ANXA8: variants seen among roughly 807,000 people sequenced by gnomAD.
ANXA8 encodes VAC-beta.
Under a neutral mutation model 26.8 loss-of-function variants are expected in ANXA8, and 9 were observed. That is an observed-to-expected ratio of 0.34 (90% CI 0.20 to 0.59). The LOEUF (loss-of-function observed/expected upper bound fraction) is 0.59. Among genes scored for constraint, ANXA8 ranks in the 20% least tolerant of loss-of-function variants. The pLI, the probability that ANXA8 is intolerant of heterozygous loss-of-function variation, is 0.84. For missense variants in ANXA8, 83 were observed against 238.5 expected, an observed-to-expected ratio of 0.35 and a Z score of 4.29; for synonymous variants, 39 against 94.8, an observed-to-expected ratio of 0.41 and a Z score of 3.42.
At chr10:47,659,699 T>A in the ANXA8 span, among the ~76,000 whole-genome samples, 1 of 151,478 alleles carries the variant, frequency 6.6e-6, no homozygotes, top group African/African-American at 2.4e-5. Flanking sequence ...AAAAGAGTGT[T>A]TTAGCAAAAA....
chr10:47,608,131 A>G, the ANXA8 span, among the ~76,000 whole-genome samples: 1 of 141,906 alleles, frequency 7.0e-6, no homozygotes, highest in Non-Finnish European at 1.5e-5. Context: ...CTTTGTCCAA[A>G]CAATTTAAGT....
the ANXA8 span, among the ~76,000 whole-genome samples, chr10:47,763,769 T>C: frequency 9.4e-6 from 1 of 106,686 alleles, no homozygotes; most frequent in African/African-American, 3.5e-5. Flanking sequence ...TGTGTATCTG[T>C]GGTGCAGGGG....
chr10:47,952,158 G>A, the ANXA8 span, among the ~76,000 whole-genome samples: 1 of 151,164 alleles, frequency 6.6e-6, no homozygotes, highest in Non-Finnish European at 1.5e-5. Flanking sequence ...AAAACCTACA[G>A]GTATTATCAA....
the ANXA8 span, chr10:47,565,174 C>T: frequency 1.4e-6 from 1 of 708,306 alleles, no homozygotes; most frequent in Non-Finnish European, 2.6e-6. Flanking sequence ...TGCTGGCCGC[C>T]GTGCAGGGCG....
the ANXA8 span, chr10:47,510,164 T>TA: frequency 1.6e-6 from 2 of 1,249,892 alleles, 1 homozygote; most frequent in Admixed American, 4.7e-5. Context: ...AGCATAGTTG[T>TA]ACTCACGATA....
At chr10:47,726,726 G>C in the ANXA8 span, 1 of 695,190 alleles carries the variant, frequency 1.4e-6, no homozygotes, top group African/African-American at 1.8e-5. Context: ...GTTGTTTTAA[G>C]CATTAAAATT....
the ANXA8 span, among the ~76,000 whole-genome samples, chr10:47,960,415 C>G: frequency 2.7e-5 from 4 of 146,534 alleles, no homozygotes; most frequent in Non-Finnish European, 6.0e-5. Context: ...GTATCATGCA[C>G]AGCCTGCTTC....
At chr10:47,743,333 T>TATATATACAC in the ANXA8 span, among the ~76,000 whole-genome samples, 1 of 74,640 alleles carries the variant, frequency 1.3e-5, no homozygotes, top group Admixed American at 1.9e-4. Flanking sequence ...TATATACATA[T>TATATATACAC]ATATATACAT....
At chr10:47,626,568 C>T in the ANXA8 span, among the ~76,000 whole-genome samples, 19 of 149,852 alleles carry the variant, frequency 1.3e-4, no homozygotes, top group Non-Finnish European at 2.8e-4. Flanking sequence ...ATATACAGAA[C>T]TTCTTTAACC....
the ANXA8 span, among the ~76,000 whole-genome samples, chr10:47,677,046 G>A: frequency 1.4e-5 from 2 of 142,922 alleles, no homozygotes; most frequent in Admixed American, 7.0e-5. Flanking sequence ...AGCAGAAATA[G>A]CCTTCAAAAA....
the ANXA8 span, among the ~76,000 whole-genome samples, chr10:47,945,195 G>A: frequency 5.2e-4 from 78 of 149,996 alleles, 1 homozygote; most frequent in African/African-American, 1.7e-3. Context: ...GCCACATGGG[G>A]TTGCTGGACT....
At chr10:47,669,444 C>T in the ANXA8 span, among the ~76,000 whole-genome samples, 18 of 151,322 alleles carry the variant, frequency 1.2e-4, no homozygotes, top group Non-Finnish European at 2.2e-4. Flanking sequence ...GAGGGCCAGG[C>T]GTGGTGGCTC....
upstream of ANXA8, among the ~76,000 whole-genome samples, chr10:47,486,342 G>A (rs1406455517): frequency 6.9e-6 from 1 of 144,936 alleles, no homozygotes; most frequent in Non-Finnish European, 1.5e-5. Flanking sequence ...ACAAATGAGG[G>A]TCCTCCCTTA....
At chr10:47,646,910 C>T in the ANXA8 span, among the ~76,000 whole-genome samples, 2 of 152,108 alleles carry the variant, frequency 1.3e-5, no homozygotes, top group Non-Finnish European at 2.9e-5. Context: ...TGCCACCTAG[C>T]GGTGATTTAG....
chr10:47,702,115 A>C, the ANXA8 span, among the ~76,000 whole-genome samples: 1 of 149,896 alleles, frequency 6.7e-6, no homozygotes, highest in African/African-American at 2.5e-5. Context: ...AATTATAAAC[A>C]AGGGAAGGTT....
chr10:47,658,403 T>C, the ANXA8 span, among the ~76,000 whole-genome samples: 1 of 149,726 alleles, frequency 6.7e-6, no homozygotes, highest in Non-Finnish European at 1.5e-5. Flanking sequence ...AAAAAAATCA[T>C]GTATATAGGA....
At chr10:47,597,301 A>G in the ANXA8 span, among the ~76,000 whole-genome samples, 1 of 149,422 alleles carries the variant, frequency 6.7e-6, no homozygotes, top group African/African-American at 2.6e-5. Context: ...AGTCTACGTT[A>G]TACTAAACAG....
chr10:47,636,647 T>C, the ANXA8 span, among the ~76,000 whole-genome samples: 1 of 150,126 alleles, frequency 6.7e-6, no homozygotes, highest in Non-Finnish European at 1.5e-5. Context: ...TGTGTTCTTT[T>C]TTAATGGTGG....
the ANXA8 span, among the ~76,000 whole-genome samples, chr10:47,929,534 ACATTTGGGTGTCCAGGCAT>A: frequency 7.6e-5 from 4 of 52,372 alleles, no homozygotes; most frequent in Non-Finnish European, 1.7e-4. Context: ...CCTGACCTCC[ACATTTGGGTGTCCAGGCAT>A]GCTTTGTGTT....
Sources: allele counts gnomAD v4.1 joint callset (sites outside exome capture counted in the v4.1 genomes callset), GRCh38; gene constraint gnomAD v4.1.1; transcripts MANE v1.5; gene names NCBI Gene and HGNC (gene_info 2026-07-23, HGNC 2026-07-21).